TRMT2B: variants seen among roughly 807,000 people sequenced by gnomAD.
The protein encoded by TRMT2B is tRNA methyltransferase 2B.
TRMT2B carries 34 observed loss-of-function variants against 39.7 expected under a neutral mutation model. That is an observed-to-expected ratio of 0.86 (90% CI 0.65 to 1.14). TRMT2B has a LOEUF of 1.14. Among genes scored for constraint, TRMT2B ranks in the 50% most tolerant of loss-of-function variants. The pLI, the probability that TRMT2B is intolerant of heterozygous loss-of-function variation, is 0.00. For missense variants in TRMT2B, 318 were observed against 377.2 expected (o/e 0.84, Z 1.30); for synonymous variants, 132 against 137.3 (o/e 0.96, Z 0.27).
intron 2 of TRMT2B, among the ~76,000 whole-genome samples, 169 bp from the exon 3 acceptor site, chrX:101,042,481 T>G (rs1202723726): frequency 1.8e-5 from 2 of 112,565 alleles, no homozygotes; most frequent in Non-Finnish European, 3.7e-5. Flanking sequence ...ATGCAAGGTA[T>G]GTTTCGGTTC....
rs113156167 is a variant in TRMT2B at position 101,027,484 on chromosome X, C to G, written c.610-3868G>C. On this transcript the variant is annotated intron_variant, in intron 7 of 13. Coordinates refer to ENST00000372936, the MANE Select transcript of TRMT2B (RefSeq NM_024917.6). ...GTCTTGATCTCCTGACCTTGTGATCCGCCCACCTTGGCCTCCCAAAGTGCT... is the reference window on the plus strand; with the variant it reads ...GTCTTGATCTCCTGACCTTGTGATCGGCCCACCTTGGCCTCCCAAAGTGCT... Among the ~76,000 whole-genome samples the G allele has an allele frequency of 4.1e-3, 444 of 109,134 alleles. 3 individuals carry two copies. Among genetic ancestry groups the G allele is most frequent in the African/African-American group, 0.014 (427 of 29,990 alleles). 94.8% of individuals were successfully genotyped at this position (109,134 alleles called of 115,157 possible).
chrX:101,014,635 G>T (rs775315771), intron 13 of TRMT2B, among the ~76,000 whole-genome samples: 30 of 110,233 alleles, frequency 2.7e-4, no homozygotes, highest in African/African-American at 9.9e-4. Flanking sequence ...ACCCCACCAG[G>T]CTCAAGCGAT....
the TRMT2B span, among the ~76,000 whole-genome samples, chrX:100,983,753 T>C: frequency 3.6e-5 from 4 of 111,883 alleles, no homozygotes; most frequent in African/African-American, 1.3e-4. Context: ...AATTTAACAG[T>C]TCATTGCCTA....
chrX:100,993,939 A>G, the TRMT2B span, among the ~76,000 whole-genome samples: 1 of 111,942 alleles, frequency 8.9e-6, no homozygotes, highest in Non-Finnish European at 1.9e-5. Context: ...GATACACACA[A>G]AAATGTTTAG....
the TRMT2B span, among the ~76,000 whole-genome samples, chrX:100,984,236 C>T: frequency 1.8e-5 from 2 of 110,064 alleles, no homozygotes; most frequent in Non-Finnish European, 3.8e-5. Context: ...GCCTCAGCCT[C>T]TCAGGTAGCT....
chrX:101,045,271 A>T (rs1049518891), intron 2 of TRMT2B, among the ~76,000 whole-genome samples: 3 of 108,775 alleles, frequency 2.8e-5, no homozygotes. Flanking sequence ...CCTAACCAAC[A>T]TGGAGAAACC....
chrX:101,004,587 C>T (rs2086088526), downstream of TRMT2B, among the ~76,000 whole-genome samples: 1 of 110,988 alleles, frequency 9.0e-6, no homozygotes, highest in Non-Finnish European at 1.9e-5. Flanking sequence ...CTGCAATCTC[C>T]ACCTCCCGGG....
At chrX:101,001,516 G>A in the TRMT2B span, among the ~76,000 whole-genome samples, 1 of 110,529 alleles carries the variant, frequency 9.0e-6, no homozygotes, top group Non-Finnish European at 1.9e-5. Flanking sequence ...GATTACAGGC[G>A]TGAGTCACTG....
intron 2 of TRMT2B, among the ~76,000 whole-genome samples, chrX:101,048,973 T>A (rs1006157644): frequency 1.8e-5 from 2 of 112,143 alleles, no homozygotes; most frequent in African/African-American, 6.5e-5. Flanking sequence ...TAGGCTCTGA[T>A]TCAAAGCATA....
In TRMT2B at chrX:101,051,866, G is replaced by T; in HGVS notation, c.-556C>A. On this transcript the variant is annotated 5_prime_UTR_variant, in exon 1 of 14. Coordinates refer to ENST00000372936, the MANE Select transcript of TRMT2B (RefSeq NM_024917.6). Reference sequence around the variant, plus strand: ...GCGGATGGCCTGGTTTGCTGCGGCGGGGAAACAGTCACTTCCTGGTGCGCA... The same window carrying T: ...GCGGATGGCCTGGTTTGCTGCGGCGTGGAAACAGTCACTTCCTGGTGCGCA... The T allele has an allele frequency of 4.2e-6, 1 of 240,414 alleles. No individual in the cohort carries two copies. Among genetic ancestry groups the T allele is most frequent in the Non-Finnish European group, 5.9e-6 (1 of 169,069 alleles). 19.8% of individuals were successfully genotyped at this position (240,414 alleles called of 1,213,427 possible). A position where few individuals can be genotyped will look rare whatever the true frequency, so the allele number is the denominator to read the frequency against.
chrX:100,986,736 T>C, the TRMT2B span: 1 of 755,083 alleles, frequency 1.3e-6, no homozygotes, highest in Non-Finnish European at 1.9e-6. Flanking sequence ...TCTCGCCTTT[T>C]GCTTCTGTTT....
At chrX:100,996,451 G>C in the TRMT2B span, among the ~76,000 whole-genome samples, 48 of 111,926 alleles carry the variant, frequency 4.3e-4, no homozygotes, top group African/African-American at 1.6e-3. Context: ...AAATGTTTGA[G>C]GCAACAAATA....
chrX:101,000,815 G>A, the TRMT2B span, among the ~76,000 whole-genome samples: 2 of 111,190 alleles, frequency 1.8e-5, no homozygotes, highest in Non-Finnish European at 3.8e-5. Context: ...ATGATGATAG[G>A]GCTACACCCA....
In TRMT2B at chrX:101,009,446, A is replaced by C. The variant is rs762163835; in HGVS notation, c.*1135T>G. ...AATTATAGGTATTCAGTCTCTCTGA[A>C]AATCTCCTTTCCCTTAGGGTCTCTC... On this transcript the variant is annotated 3_prime_UTR_variant, in exon 14 of 14. Transcript: ENST00000372936. 3.6e-5 allele frequency: 4 copies of C among 110,301 alleles called. No individual in the cohort carries two copies. The highest frequency in any genetic ancestry group is 9.9e-5 in the Admixed American group (1 of 10,080). The allele number at this position is 110,301 out of a possible 1,213,427, so 9.1% of individuals were successfully genotyped here. A position where few individuals can be genotyped will look rare whatever the true frequency, so the allele number is the denominator to read the frequency against.
In TRMT2B at chrX:101,051,403, G is replaced by T; in HGVS notation, c.-176C>A. The T allele has an allele frequency of 1.3e-6, 1 of 754,347 alleles. No individual in the cohort carries two copies. Among genetic ancestry groups the T allele is most frequent in the Non-Finnish European group, 1.6e-6 (1 of 639,410 alleles). The allele number at this position is 754,347 out of a possible 1,213,427, so 62.2% of individuals were successfully genotyped here. On this transcript the variant is annotated 5_prime_UTR_variant, in exon 2 of 14. Transcript: ENST00000372936. ...AAGCAAATGGGTTGACTGCTGTGTC[G>T]TGTCCCGAATGCAGCCCACAGGCAG...
the TRMT2B span, chrX:100,990,424 G>T: frequency 3.1e-6 from 3 of 954,124 alleles, no homozygotes; most frequent in Non-Finnish European, 3.9e-6. Flanking sequence ...TAGCAAACAG[G>T]TTCATCTCCA....
the TRMT2B span, chrX:100,987,023 C>T: frequency 2.3e-6 from 1 of 440,958 alleles, no homozygotes; most frequent in Non-Finnish European, 3.9e-6. Context: ...CAGGCAACAC[C>T]CACAGTGATT....
chrX:101,035,442 G>A (rs2087778094), intron 7 of TRMT2B, among the ~76,000 whole-genome samples, 171 bp downstream of exon 7: 1 of 111,898 alleles, frequency 8.9e-6, no homozygotes, highest in Non-Finnish European at 1.9e-5. Flanking sequence ...CACTCTTTCT[G>A]AAATGAAAAC....
the TRMT2B span, chrX:100,988,048 A>G: frequency 2.2e-6 from 1 of 459,766 alleles, no homozygotes; most frequent in Non-Finnish European, 3.8e-6. Flanking sequence ...AGTTTTGAGG[A>G]GCAAAAGGCC....
Sources: allele counts gnomAD v4.1 joint callset (sites outside exome capture counted in the v4.1 genomes callset), GRCh38; gene constraint gnomAD v4.1.1; transcripts MANE v1.5; gene names NCBI Gene and HGNC (gene_info 2026-07-23, HGNC 2026-07-21).